STXBP5L: variants seen among roughly 807,000 people sequenced by gnomAD.
STXBP5L encodes syntaxin-binding protein 5-like.
Under a neutral mutation model 144.5 loss-of-function variants are expected in STXBP5L, and 65 were observed. That is an observed-to-expected ratio of 0.45 (90% CI 0.37 to 0.55). The LOEUF (loss-of-function observed/expected upper bound fraction) is 0.55, where lower values mean the gene tolerates loss of function less well. Ranked by LOEUF, STXBP5L falls within the 20% of genes least tolerant of loss-of-function variation. The probability of loss-of-function intolerance (pLI) is 0.00; values close to 1 mark genes in which losing one functional copy is unlikely to be tolerated. For missense variants in STXBP5L, 1,298 were observed against 1,405.5 expected, an observed-to-expected ratio of 0.92 and a Z score of 1.22; for synonymous variants, 505 against 469.6, an observed-to-expected ratio of 1.08 and a Z score of -0.97.
chr3:121,358,180 A>G (rs1560017386), intron 20 of STXBP5L, among the ~76,000 whole-genome samples: 1 of 152,016 alleles, frequency 6.6e-6, no homozygotes, highest in Non-Finnish European at 1.5e-5. Flanking sequence ...TAGTCACCCT[A>G]TTGTTCTGTC....
chr3:121,011,896 A>G (rs773217616), intron 3 of STXBP5L, among the ~76,000 whole-genome samples: 1 of 151,838 alleles, frequency 6.6e-6, no homozygotes, highest in Non-Finnish European at 1.5e-5. Context: ...AATAATTACT[A>G]CAGTGAATTT....
At chr3:121,122,910 G>A (rs2044535867) in intron 7 of STXBP5L, among the ~76,000 whole-genome samples, 1 of 151,396 alleles carries the variant, frequency 6.6e-6, no homozygotes, top group Admixed American at 6.6e-5. Flanking sequence ...TAATGAACAT[G>A]TAAAATATAT....
intron 22 of STXBP5L, among the ~76,000 whole-genome samples, chr3:121,394,846 C>T (rs1482454206): frequency 6.6e-6 from 1 of 151,956 alleles, no homozygotes; most frequent in Admixed American, 6.5e-5. Flanking sequence ...CCTCATGATC[C>T]ACCCGTCTCA....
intron 15 of STXBP5L, among the ~76,000 whole-genome samples, chr3:121,251,976 T>G (rs58998550): frequency 1.3e-5 from 2 of 152,334 alleles, no homozygotes; most frequent in East Asian, 3.9e-4. Flanking sequence ...AATCTTCTCA[T>G]GCAAACCTGA....
At chr3:121,403,488 T>C (rs2046929450) in intron 22 of STXBP5L, among the ~76,000 whole-genome samples, 1 of 152,176 alleles carries the variant, frequency 6.6e-6, no homozygotes, top group South Asian at 2.1e-4. Flanking sequence ...ATAAATGTTT[T>C]TCTTTCTACT....
intron 5 of STXBP5L, among the ~76,000 whole-genome samples, chr3:121,056,276 A>G (rs1948454889): frequency 6.6e-6 from 1 of 152,210 alleles, no homozygotes. Context: ...TATCACAATC[A>G]TAAATTTATG....
At chr3:121,172,802 C>A (rs1348582734) in intron 9 of STXBP5L, among the ~76,000 whole-genome samples, 1 of 152,162 alleles carries the variant, frequency 6.6e-6, no homozygotes, top group African/African-American at 2.4e-5. Context: ...ACTAGAAATA[C>A]CATTTAACTC....
intron 3 of STXBP5L, among the ~76,000 whole-genome samples, chr3:120,975,678 G>A (rs1165071704): frequency 2.0e-5 from 3 of 152,132 alleles, no homozygotes; most frequent in East Asian, 3.9e-4. Flanking sequence ...TTGGCTGTAG[G>A]TTTGTCATAG....
intron 22 of STXBP5L, among the ~76,000 whole-genome samples, chr3:121,384,524 A>T (rs927683693): frequency 1.3e-5 from 2 of 152,138 alleles, no homozygotes; most frequent in Admixed American, 1.3e-4. Context: ...TTGAAAGACT[A>T]AAGTCAGTAC....
intron 22 of STXBP5L, among the ~76,000 whole-genome samples, chr3:121,386,932 G>T (rs985323364): frequency 1.3e-5 from 2 of 152,158 alleles, no homozygotes; most frequent in African/African-American, 4.8e-5. Flanking sequence ...TAATGGGATT[G>T]CTGGGTCAAA....
intron 9 of STXBP5L, among the ~76,000 whole-genome samples, chr3:121,204,471 A>G (rs749939261): frequency 9.2e-5 from 14 of 152,174 alleles, no homozygotes; most frequent in Non-Finnish European, 2.1e-4. Context: ...GCAGATATTG[A>G]TTTGTTGTTT....
chr3:121,137,479 T>C (rs533478014), intron 7 of STXBP5L, among the ~76,000 whole-genome samples: 1 of 151,882 alleles, frequency 6.6e-6, no homozygotes, highest in African/African-American at 2.4e-5. Flanking sequence ...AAGGACATAA[T>C]AAAAAAGAAA....
rs115576110 is a variant in STXBP5L at position 121,007,256 on chromosome 3, A to T, written c.288-34444A>T. Among the ~76,000 whole-genome samples the T allele has an allele frequency of 4.1e-3, 619 of 152,172 alleles. 2 individuals carry two copies. Among genetic ancestry groups the T allele is most frequent in the African/African-American group, 0.014 (582 of 41,550 alleles). ...TAAGCCCCCTTGATTATGATACATTATCTATCTTATATATTGTTCTTTTTG... is the reference window on the plus strand; with the variant it reads ...TAAGCCCCCTTGATTATGATACATTTTCTATCTTATATATTGTTCTTTTTG... On this transcript the variant is annotated intron_variant, in intron 3 of 26. Transcript: ENST00000471454.
At position 121,162,459 on chromosome 3, in the gene STXBP5L, TA is replaced by T. The variant is rs1282209261; in HGVS notation, c.877+4837del. On this transcript the variant is annotated intron_variant, in intron 9 of 26. Coordinates refer to ENST00000471454, the MANE Select transcript of STXBP5L (RefSeq NM_001308330.2). ...GACTTAAACGTAAGACCTAAAACCA[TA>T]AAAACCCTAGAAGAAAACCTAGGCA... 2.0e-5 allele frequency among the ~76,000 whole-genome samples: 3 copies of T among 152,150 alleles called. No individual in the cohort carries two copies. In the East Asian group the frequency reaches 5.8e-4, roughly 29 times the overall value.
At chr3:121,310,475 T>A (rs1375524066) in intron 19 of STXBP5L, among the ~76,000 whole-genome samples, 2 of 152,152 alleles carry the variant, frequency 1.3e-5, no homozygotes, top group Non-Finnish European at 2.9e-5. Context: ...CCAGGCATGG[T>A]GGCGGACACC....
chr3:120,991,824 G>A (rs533944291), intron 3 of STXBP5L, among the ~76,000 whole-genome samples: 18 of 149,458 alleles, frequency 1.2e-4, no homozygotes, highest in East Asian at 1.2e-3. Flanking sequence ...GGTGGGGGCA[G>A]GGGGGAGGGA....
At chr3:120,919,153 A>T (rs1452097421) in intron 2 of STXBP5L, among the ~76,000 whole-genome samples, 1 of 152,104 alleles carries the variant, frequency 6.6e-6, no homozygotes. Flanking sequence ...TGGATTCTCA[A>T]CGTTACTGAT....
chr3:121,034,461 T>G (rs1411001129), intron 3 of STXBP5L, among the ~76,000 whole-genome samples: 1 of 152,106 alleles, frequency 6.6e-6, no homozygotes, highest in Non-Finnish European at 1.5e-5. Context: ...AAGATATGAT[T>G]TCATTTTCTA....
intron 9 of STXBP5L, among the ~76,000 whole-genome samples, chr3:121,163,416 C>A (rs1374808353): frequency 6.6e-6 from 1 of 151,776 alleles, no homozygotes; most frequent in East Asian, 1.9e-4. Context: ...ATAGTAGGGT[C>A]TCTCGGTGGA....
Sources: gnomAD v4.1 joint callset for allele counts (sites outside exome capture counted in the v4.1 genomes callset) on GRCh38, gnomAD v4.1.1 for gene constraint, MANE v1.5 for transcripts, NCBI Gene and HGNC (gene_info 2026-07-23, HGNC 2026-07-21) for gene names.